The following TENM3 variants were observed in gnomAD, a reference collection of about 807,000 sequenced individuals.
TENM3 encodes teneurin-3.
A neutral mutation model predicts 255.1 loss-of-function variants in TENM3; 63 were observed. The ratio of observed to expected loss-of-function variants is 0.25; its 90% confidence interval spans 0.20 to 0.30. The LOEUF is 0.30. Ranked by LOEUF, TENM3 falls within the 10% of genes least tolerant of loss-of-function variation. TENM3 has a pLI of 1.00. For missense variants in TENM3, 2,929 were observed against 3,461.1 expected (o/e 0.85, Z 3.86); for synonymous variants, 1,306 against 1,322.3 (o/e 0.99, Z 0.27).
the TENM3 span, among the ~76,000 whole-genome samples, chr4:181,696,382 C>T: frequency 3.6e-4 from 55 of 152,126 alleles, no homozygotes; most frequent in African/African-American, 1.1e-3. Context: ...AATGTATTGA[C>T]CAAAGGGGAC....
At chr4:182,419,899 A>G (rs1164146871) in intron 3 of TENM3, among the ~76,000 whole-genome samples, 3 of 151,886 alleles carry the variant, frequency 2.0e-5, no homozygotes, top group African/African-American at 7.3e-5. Context: ...GGATAGCATT[A>G]GGAGATATAC....
chr4:182,132,250 C>T, the TENM3 span, among the ~76,000 whole-genome samples: 2 of 152,066 alleles, frequency 1.3e-5, no homozygotes, highest in Non-Finnish European at 2.9e-5. Flanking sequence ...GAGGCTGAGG[C>T]GGGTGGATCA....
At chr4:182,402,012 C>T (rs972422208) in intron 3 of TENM3, among the ~76,000 whole-genome samples, 2 of 152,134 alleles carry the variant, frequency 1.3e-5, no homozygotes, top group Non-Finnish European at 2.9e-5. Flanking sequence ...TTACAAGTAT[C>T]GACTAACAAA....
the TENM3 span, among the ~76,000 whole-genome samples, chr4:181,917,238 A>T: frequency 6.6e-6 from 1 of 152,214 alleles, no homozygotes; most frequent in Non-Finnish European, 1.5e-5. Context: ...TGCAGATATA[A>T]GCATATTATA....
At chr4:182,606,940 G>A (rs1035695424) in intron 4 of TENM3, among the ~76,000 whole-genome samples, 2 of 152,138 alleles carry the variant, frequency 1.3e-5, no homozygotes, top group African/African-American at 2.4e-5. Flanking sequence ...ACAGTTTAGC[G>A]TCATGAGAAA....
At chr4:181,589,239 A>G in the TENM3 span, among the ~76,000 whole-genome samples, 1,554 of 152,338 alleles carry the variant, frequency 0.01, 27 homozygotes, top group African/African-American at 0.035. Context: ...CATTTTTCTA[A>G]TCTGGTGGCC....
At chr4:181,519,016 C>T in the TENM3 span, among the ~76,000 whole-genome samples, 1 of 152,110 alleles carries the variant, frequency 6.6e-6, no homozygotes, top group Non-Finnish European at 1.5e-5. Flanking sequence ...TTTCACTAAA[C>T]CTCAAGACTG....
At chr4:182,709,748 T>TTA (rs1758612247) in intron 12 of TENM3, among the ~76,000 whole-genome samples, 2 of 152,164 alleles carry the variant, frequency 1.3e-5, no homozygotes, top group Admixed American at 1.3e-4. Flanking sequence ...GCTCTTAGTT[T>TTA]TAAGCTCTCA....
the TENM3 span, among the ~76,000 whole-genome samples, chr4:181,927,266 C>T: frequency 1.3e-5 from 2 of 152,364 alleles, no homozygotes; most frequent in African/African-American, 4.8e-5. Context: ...AAGCCAAGAT[C>T]CACTGGCTTG....
At chr4:182,217,977 A>G (rs1755608207) in intron 1 of TENM3, among the ~76,000 whole-genome samples, 1 of 152,224 alleles carries the variant, frequency 6.6e-6, no homozygotes, top group African/African-American at 2.4e-5. Context: ...CTTGGGTGAG[A>G]CAGTCATCGG....
chr4:182,172,853 T>C (rs1752199805), intron 1 of TENM3, among the ~76,000 whole-genome samples: 1 of 152,158 alleles, frequency 6.6e-6, no homozygotes, highest in African/African-American at 2.4e-5. Context: ...TTCAAAGTAA[T>C]AGTAGTGAAT....
intron 4 of TENM3, among the ~76,000 whole-genome samples, chr4:182,602,405 A>T (rs562426304): frequency 6.6e-6 from 1 of 152,224 alleles, no homozygotes; most frequent in Non-Finnish European, 1.5e-5. Flanking sequence ...AAAGTGTCTC[A>T]CAATGAATAC....
chr4:182,261,535 A>C (rs961386733), intron 1 of TENM3, among the ~76,000 whole-genome samples: 2 of 152,210 alleles, frequency 1.3e-5, no homozygotes, highest in African/African-American at 4.8e-5. Flanking sequence ...TCAGACTTTT[A>C]GGTGTTTCAA....
At chr4:181,990,692 T>A in the TENM3 span, among the ~76,000 whole-genome samples, 2 of 152,148 alleles carry the variant, frequency 1.3e-5, no homozygotes, top group South Asian at 2.1e-4. Context: ...TATCAATGGA[T>A]GGCTGCTGCT....
the TENM3 span, among the ~76,000 whole-genome samples, chr4:181,772,502 A>G: frequency 6.6e-6 from 1 of 152,230 alleles, no homozygotes; most frequent in Non-Finnish European, 1.5e-5. Flanking sequence ...ATACTGACTG[A>G]GCTAATACTT....
At chr4:182,114,837 G>A in the TENM3 span, among the ~76,000 whole-genome samples, 1 of 152,048 alleles carries the variant, frequency 6.6e-6, no homozygotes, top group Non-Finnish European at 1.5e-5. Flanking sequence ...TTTTGGCCAG[G>A]ACTCTAAGGT....
At chr4:182,583,193 A>G (rs1361906737) in intron 3 of TENM3, among the ~76,000 whole-genome samples, 1 of 152,212 alleles carries the variant, frequency 6.6e-6, no homozygotes, top group Non-Finnish European at 1.5e-5. Context: ...GACACATCCC[A>G]GAATAAGCCC....
At chr4:181,513,502 A>C in the TENM3 span, among the ~76,000 whole-genome samples, 1 of 152,186 alleles carries the variant, frequency 6.6e-6, no homozygotes, top group Non-Finnish European at 1.5e-5. Context: ...AAGTAAGTGC[A>C]ATTTGTTTCA....
rs1042522606 is a variant in TENM3 at position 182,335,378 on chromosome 4, C to T, written c.232+11126C>T. Reference sequence around the variant, plus strand: ...GGCGCGGTGGCAGGCGCCTGTAGTCCCAGCTGCTCGGGAGGCTGAGGCAGG... The same window carrying T: ...GGCGCGGTGGCAGGCGCCTGTAGTCTCAGCTGCTCGGGAGGCTGAGGCAGG... On this transcript the variant is annotated intron_variant, in intron 2 of 27. Transcript: ENST00000511685. 1.2e-4 allele frequency among the ~76,000 whole-genome samples: 17 copies of T among 144,768 alleles called. No individual in the cohort carries two copies. In the South Asian group the frequency reaches 3.5e-3, roughly 30 times the overall value. 95.0% of individuals were successfully genotyped at this position (144,768 alleles called of 152,430 possible). A position where few individuals can be genotyped will look rare whatever the true frequency, so the allele number is the denominator to read the frequency against.
Sources: allele counts gnomAD v4.1 joint callset (sites outside exome capture counted in the v4.1 genomes callset), GRCh38; gene constraint gnomAD v4.1.1; transcripts MANE v1.5; gene names NCBI Gene and HGNC (gene_info 2026-07-23, HGNC 2026-07-21).